The following APCDD1L variants were observed in gnomAD, a reference collection of about 807,000 sequenced individuals.
The protein encoded by APCDD1L is APC down-regulated 1 like, also known as protein APCDD1-like.
In APCDD1L, 21 loss-of-function variants were observed where a neutral mutation model predicts 24.2. That is an observed-to-expected ratio of 0.87 (90% confidence interval 0.61 to 1.25). The LOEUF is 1.25. Among genes scored for constraint, APCDD1L ranks in the 50% most tolerant of loss-of-function variants. APCDD1L has a pLI of 0.00. For missense variants in APCDD1L, 704 were observed against 711.7 expected (o/e 0.99, Z 0.12); for synonymous variants, 321 against 323.6 (o/e 0.99, Z 0.09).
rs960590817 is a variant in APCDD1L, at chr20:58,461,713, G to A, written c.742-159C>T. The A allele has an allele frequency of 6.6e-5, 48 of 731,672 alleles. No individual in the cohort carries two copies. Among genetic ancestry groups the A allele is most frequent in the Middle Eastern group, 4.4e-4 (1 of 2,290 alleles). 45.3% of individuals were successfully genotyped at this position (731,672 alleles called of 1,614,324 possible). A position where few individuals can be genotyped will look rare whatever the true frequency, so the allele number is the denominator to read the frequency against. On this transcript the variant is annotated intron_variant, in intron 3 of 3. Transcript: ENST00000371149. The surrounding 1 kb of genome is among the most constrained non-coding windows in gnomAD (Gnocchi z 6.0). ...CTCACTCCCTGCCTTCAGTCAGGAC[G>A]ACCTCCTTGCTTCAGCCAGGATGGC...
chr20:58,513,845 G>C (rs116570052), intron 1 of APCDD1L: 2 of 1,280,004 alleles, frequency 1.6e-6, no homozygotes, highest in East Asian at 5.6e-5. Flanking sequence ...ATATGATGTT[G>C]ATCTGGGCTT....
rs567432490 is a variant in APCDD1L, at chr20:58,460,597, G to A, written c.*193C>T. On this transcript the variant is annotated 3_prime_UTR_variant, in exon 4 of 4. Coordinates refer to ENST00000371149, the MANE Select transcript of APCDD1L (RefSeq NM_153360.3). This position sits in a 1 kb window ranked among gnomAD's most constrained non-coding sequence, Gnocchi z 4.2. ...TGACTGGGGACCCGGGCTGTGGGATGTGGTATAGGCTTTGCAGGGGTTAAG... is the reference window on the plus strand; with the variant it reads ...TGACTGGGGACCCGGGCTGTGGGATATGGTATAGGCTTTGCAGGGGTTAAG... 3.5e-6 allele frequency: 2 copies of A among 564,738 alleles called. No homozygotes were observed. The highest frequency in any genetic ancestry group is 3.3e-5 in the East Asian group (1 of 30,754). The allele number at this position is 564,738 out of a possible 1,614,324, so 35.0% of individuals were successfully genotyped here.
rs868295131 is a variant in APCDD1L at position 58,508,374 on chromosome 20, G to A, written c.49+6285C>T. Among the ~76,000 whole-genome samples, 3 of 152,356 alleles carry A rather than the reference G, an allele frequency of 2.0e-5. No individual in the cohort carries two copies. In the Middle Eastern group the frequency reaches 0.01, roughly 518 times the overall value. On this transcript the variant is annotated intron_variant, in intron 1 of 3. Transcript: ENST00000371149. The surrounding 1 kb of genome is among the most constrained non-coding windows in gnomAD (Gnocchi z 4.0). ...ACATGGGGATCAAGGAGCACAGGGA[G>A]GGGAGAGCACAGAGAGAGTGAACAT...
rs867653138 is a variant in APCDD1L at position 58,508,099 on chromosome 20, G to A, written c.49+6560C>T. Among the ~76,000 whole-genome samples the A allele has an allele frequency of 1.3e-5, 2 of 152,294 alleles. No homozygotes were observed. The highest frequency in any genetic ancestry group is 1.9e-4 in the East Asian group (1 of 5,188). On this transcript the variant is annotated intron_variant, in intron 1 of 3. Transcript: ENST00000371149. The surrounding 1 kb of genome is among the most constrained non-coding windows in gnomAD (Gnocchi z 4.0). The stretch of plus-strand genomic sequence containing the variant: ...GAATTTAGCAAACACACTTTGCCAC[G>A]GCAATTCCACTGCTAGGTATTTCCA...
At position 58,493,038 on chromosome 20, in the gene APCDD1L, C is replaced by T. The variant is rs576477709; in HGVS notation, c.49+21621G>A. Among the ~76,000 whole-genome samples, 5 of 151,670 alleles carry T rather than the reference C, an allele frequency of 3.3e-5. No individual in the cohort carries two copies. The East Asian group carries it at 9.7e-4, about 29-fold the overall frequency. ...TGCACTCACACACAAGGCAAGCATA[C>T]ACACACATACACATGCACTCACACA... On this transcript the variant is annotated intron_variant, in intron 1 of 3. Coordinates refer to ENST00000371149, the MANE Select transcript of APCDD1L (RefSeq NM_153360.3).
chr20:58,467,142 C>A lies in APCDD1L; in HGVS notation c.705G>T (p.Arg235=). 1 of 1,608,024 alleles carries A rather than the reference C, an allele frequency of 6.2e-7. No homozygotes were observed. Residue 235 remains arginine, a synonymous_variant, in exon 3 of 4, where the codon CGG becomes CGT. Transcript: ENST00000371149. This position sits in a 1 kb window ranked among gnomAD's most constrained non-coding sequence, Gnocchi z 5.9. The part of the protein sequence containing the change: ...HTDPAERRHY[R]PTGYQRPLQS... ...GCAGCGGGCGCTGGTAGCCCGTGGGCCGGTAGTGCCGCCTCTCCGCCGGGT... is the reference window on the plus strand; with the variant it reads ...GCAGCGGGCGCTGGTAGCCCGTGGGACGGTAGTGCCGCCTCTCCGCCGGGT...
Position 58,460,815 on chromosome 20 carries a change from C to A in APCDD1L, c.1481G>T (p.Gly494Val). 1 of 1,530,876 alleles carries A rather than the reference C, an allele frequency of 6.5e-7. No individual in the cohort carries two copies. The highest frequency in any genetic ancestry group is 1.3e-5 in the South Asian group (1 of 77,832). The allele number at this position is 1,530,876 out of a possible 1,614,324, so 94.8% of individuals were successfully genotyped here. A position where few individuals can be genotyped will look rare whatever the true frequency, so the allele number is the denominator to read the frequency against. ...APFPLLPLVL[G>V]LAFLHWL ...TCATAGCCAGTGGAGGAAGGCCAGC[C>A]CTAGAACTAGGGGCAGAAGTGGGAA... The change falls in exon 4 of 4, where the codon GGG becomes GTG. Residue 494 changes from glycine to valine, a missense_variant. Transcript: ENST00000371149. The surrounding 1 kb of genome is among the most constrained non-coding windows in gnomAD (Gnocchi z 4.2).
intron 3 of APCDD1L, among the ~76,000 whole-genome samples, chr20:58,464,608 A>G (rs1989674110): frequency 6.6e-6 from 1 of 152,246 alleles, no homozygotes; most frequent in African/African-American, 2.4e-5. Flanking sequence ...ATTAACCCCC[A>G]GAGGTGACAC....
chr20:58,482,833 A>T (rs901223494), intron 1 of APCDD1L, among the ~76,000 whole-genome samples: 3 of 151,986 alleles, frequency 2.0e-5, no homozygotes, highest in African/African-American at 4.8e-5. Flanking sequence ...CAAATTCAAA[A>T]CCGGGTCCGG....
intron 1 of APCDD1L, among the ~76,000 whole-genome samples, chr20:58,488,023 TC>T (rs1260043540): frequency 2.0e-5 from 3 of 152,040 alleles, no homozygotes; most frequent in African/African-American, 7.2e-5. Context: ...TATACAGTGG[TC>T]CCCCCATGTG....
At position 58,463,974 on chromosome 20, in the gene APCDD1L, T is replaced by C. The variant is rs1989664584; in HGVS notation, c.742-2420A>G. On this transcript the variant is annotated intron_variant, in intron 3 of 3. Transcript: ENST00000371149. ...CCTTAAGTTTCCTTGATTTATATAA[T>C]ATCGGAGACCATATTGGCTTTGGTT... 4.0e-5 allele frequency among the ~76,000 whole-genome samples: 6 copies of C among 149,950 alleles called. No individual in the cohort carries two copies. The South Asian group carries it at 1.3e-3, about 32-fold the overall frequency.
Position 58,515,335 on chromosome 20 carries a change from CCT to C in APCDD1L, c.-630_-629del, listed in dbSNP as rs1386209161. ...CCGGTCGCCTAGAAGCCAGCCCCGG[CCT>C]CTGTCTGTAAATGAGGCCGTCACCC... is the stretch of plus-strand genomic sequence containing the variant. On this transcript the variant is annotated 5_prime_UTR_variant, in exon 1 of 4. Transcript: ENST00000371149. 1.3e-5 allele frequency: 4 copies of C among 307,870 alleles called. No homozygotes were observed. The highest frequency in any genetic ancestry group is 8.6e-5 in the African/African-American group (4 of 46,592). The allele number at this position is 307,870 out of a possible 1,614,324, so 19.1% of individuals were successfully genotyped here. A position where few individuals can be genotyped will look rare whatever the true frequency, so the allele number is the denominator to read the frequency against.
Position 58,459,702 on chromosome 20 carries a change from A to G in APCDD1L, c.*1088T>C, listed in dbSNP as rs1989559612. The G allele has an allele frequency of 6.5e-6, 1 of 152,726 alleles. No homozygotes were observed. The highest frequency in any genetic ancestry group is 6.5e-5 in the Admixed American group (1 of 15,282). 9.5% of individuals were successfully genotyped at this position (152,726 alleles called of 1,614,324 possible). A position where few individuals can be genotyped will look rare whatever the true frequency, so the allele number is the denominator to read the frequency against. On this transcript the variant is annotated 3_prime_UTR_variant, in exon 4 of 4. Transcript: ENST00000371149. ...CCCTCTGAGCAGAGGACACCAATATATTAGGATTATGGCAAGGAGGCTGGG... is the reference window on the plus strand; with the variant it reads ...CCCTCTGAGCAGAGGACACCAATATGTTAGGATTATGGCAAGGAGGCTGGG...
At chr20:58,483,004 G>T (rs1334126541) in intron 1 of APCDD1L, among the ~76,000 whole-genome samples, 1 of 152,162 alleles carries the variant, frequency 6.6e-6, no homozygotes, top group Admixed American at 6.5e-5. Context: ...ATTCTGCCCA[G>T]TACTGGTCCA....
At chr20:58,469,200 A>G (rs1989769040) in intron 2 of APCDD1L, among the ~76,000 whole-genome samples, 1 of 152,240 alleles carries the variant, frequency 6.6e-6, no homozygotes, top group South Asian at 2.1e-4. Context: ...TACACTGTCA[A>G]TGTATGCCAA....
At chr20:58,481,658 G>A (rs1168210024) in intron 1 of APCDD1L, among the ~76,000 whole-genome samples, 2 of 152,166 alleles carry the variant, frequency 1.3e-5, no homozygotes, top group African/African-American at 2.4e-5. Flanking sequence ...GCTGTTCTTG[G>A]GAGCTTCCAC....
Position 58,461,011 on chromosome 20 carries a change from C to T in APCDD1L, c.1285G>A (p.Gly429Arg), listed in dbSNP as rs371147444. ...CTTGAGCCATCGGTGGGCCTTTGTC[C>T]GATGAAGAGCAGGCTTTGCCCGAGG... ...DPLGQSLLFI[G>R]QRPTDGSSPD... The change falls in exon 4 of 4, where the codon GGA becomes AGA. Residue 429 changes from glycine (G) to arginine (R), a missense_variant. Physicochemically the swap from Gly to Arg is moderately radical, Grantham distance 125. Coordinates refer to ENST00000371149, the MANE Select transcript of APCDD1L (RefSeq NM_153360.3). This position sits in a 1 kb window ranked among gnomAD's most constrained non-coding sequence, Gnocchi z 6.0. 3.6e-5 allele frequency: 58 copies of T among 1,613,946 alleles called. No homozygotes were observed. Among genetic ancestry groups the T allele is most frequent in the Non-Finnish European group, 4.7e-5 (55 of 1,180,002 alleles).
chr20:58,483,437 T>C (rs1990063151), intron 1 of APCDD1L, among the ~76,000 whole-genome samples: 2 of 152,142 alleles, frequency 1.3e-5, no homozygotes, highest in Non-Finnish European at 2.9e-5. Context: ...CAGGGGTCCA[T>C]GGTGGACATT....
In APCDD1L at chr20:58,467,041, G is replaced by A. The variant is rs1989718516; in HGVS notation, c.741+65C>T. The A allele has an allele frequency of 6.6e-7, 1 of 1,518,208 alleles. No homozygotes were observed. The highest frequency in any genetic ancestry group is 8.8e-7 in the Non-Finnish European group (1 of 1,138,394). 94.0% of individuals were successfully genotyped at this position (1,518,208 alleles called of 1,614,324 possible). ...CCAGGTCTTGCAAAGCTGCGGGGCT[G>A]GGTTCCGAGCTCGCCTCCCCGAGAC... On this transcript the variant is annotated intron_variant, in intron 3 of 3. Coordinates refer to ENST00000371149, the MANE Select transcript of APCDD1L (RefSeq NM_153360.3). The surrounding 1 kb of genome is among the most constrained non-coding windows in gnomAD (Gnocchi z 5.9).
Sources: gnomAD v4.1 joint callset for allele counts (sites outside exome capture counted in the v4.1 genomes callset) on GRCh38, gnomAD v4.1.1 for gene constraint, Gnocchi (gnomAD v3.1) non-coding constraint, MANE v1.5 for transcripts, NCBI Gene and HGNC (gene_info 2026-07-23, HGNC 2026-07-21) for gene names.